Variants in SYNJ2BP observed in about 807,000 individuals in gnomAD.
The protein encoded by SYNJ2BP is synaptojanin 2 binding protein, also known as synaptojanin-2-binding protein.
In SYNJ2BP, 10 loss-of-function variants were observed where a neutral mutation model predicts 16.9. The ratio of observed to expected loss-of-function variants is 0.59; its 90% CI spans 0.36 to 1.00. The LOEUF (loss-of-function observed/expected upper bound fraction) is 1.00. Among genes scored for constraint, SYNJ2BP ranks in the 50% least tolerant of loss-of-function variants. SYNJ2BP has a pLI of 0.01. For synonymous variants in SYNJ2BP, 54 were observed against 68.4 expected, an observed-to-expected ratio of 0.79 and a Z score of 1.04; for missense variants, 162 against 186.7, an observed-to-expected ratio of 0.87 and a Z score of 0.77.
At chr14:70,394,090 T>C (rs1888038881) in intron 1 of SYNJ2BP, among the ~76,000 whole-genome samples, 1 of 151,856 alleles carries the variant, frequency 6.6e-6, no homozygotes, top group South Asian at 2.1e-4. Flanking sequence ...ATTACAGCTA[T>C]TTACAAGGTA....
intron 3 of SYNJ2BP, among the ~76,000 whole-genome samples, chr14:70,373,691 C>A (rs979818567): frequency 2.0e-5 from 3 of 152,146 alleles, no homozygotes; most frequent in African/African-American, 4.8e-5. Flanking sequence ...TTCATCTGCT[C>A]ATTTCTAATA....
intron 3 of SYNJ2BP, 60 bp downstream of exon 3, chr14:70,375,616 T>A: frequency 6.4e-7 from 1 of 1,570,636 alleles, no homozygotes; most frequent in East Asian, 2.3e-5. Context: ...CACATTGGGC[T>A]TATTCAGAAG....
intron 3 of SYNJ2BP, among the ~76,000 whole-genome samples, chr14:70,373,431 G>T (rs933957671): frequency 6.6e-6 from 1 of 152,140 alleles, no homozygotes; most frequent in Non-Finnish European, 1.5e-5. Flanking sequence ...TTTGTGTATC[G>T]TATCAGGAAA....
At chr14:70,395,355 A>T (rs1418306502) in intron 1 of SYNJ2BP, among the ~76,000 whole-genome samples, 1 of 152,232 alleles carries the variant, frequency 6.6e-6, no homozygotes, top group Non-Finnish European at 1.5e-5. Context: ...AACACCAAGG[A>T]TTATAGCCAC....
intron 2 of SYNJ2BP, 91 bp downstream of exon 2, chr14:70,388,379 C>A (rs1199010234): frequency 7.2e-7 from 1 of 1,390,310 alleles, no homozygotes; most frequent in Non-Finnish European, 9.4e-7. Context: ...ATTTCCAGAT[C>A]CAAATCTTTT....
chr14:70,409,824 C>G (rs907149920), intron 1 of SYNJ2BP, among the ~76,000 whole-genome samples: 2 of 152,130 alleles, frequency 1.3e-5, no homozygotes, highest in Non-Finnish European at 2.9e-5. Context: ...TAAAACATCC[C>G]ATTATGGCAG....
intron 1 of SYNJ2BP, among the ~76,000 whole-genome samples, chr14:70,398,653 G>A (rs1263625228): frequency 6.6e-6 from 1 of 152,154 alleles, no homozygotes; most frequent in Non-Finnish European, 1.5e-5. Flanking sequence ...GTGGGTGCAG[G>A]GGGAACCTTC....
chr14:70,397,401 A>C (rs796559681), intron 1 of SYNJ2BP, among the ~76,000 whole-genome samples: 19 of 152,352 alleles, frequency 1.2e-4, no homozygotes, highest in African/African-American at 4.3e-4. Context: ...TTATTATAAA[A>C]TGGTCTACTT....
chr14:70,409,745 A>G (rs1444160307), intron 1 of SYNJ2BP, among the ~76,000 whole-genome samples: 1 of 152,134 alleles, frequency 6.6e-6, no homozygotes, highest in Non-Finnish European at 1.5e-5. Flanking sequence ...CTCAAATTGT[A>G]TTTAGTGAAG....
intron 1 of SYNJ2BP, among the ~76,000 whole-genome samples, chr14:70,405,790 A>G (rs986683224): frequency 1.3e-5 from 2 of 152,194 alleles, no homozygotes; most frequent in African/African-American, 4.8e-5. Flanking sequence ...AAGAGATAAT[A>G]AAAGACTTGT....
chr14:70,382,921 A>C (rs1272703392), intron 2 of SYNJ2BP, among the ~76,000 whole-genome samples: 2 of 152,106 alleles, frequency 1.3e-5, no homozygotes, highest in Non-Finnish European at 2.9e-5. Flanking sequence ...ATTCTAAAAC[A>C]AGATCTCTGA....
intron 1 of SYNJ2BP, among the ~76,000 whole-genome samples, chr14:70,392,326 A>C (rs556157934): frequency 5.1e-4 from 77 of 152,348 alleles, no homozygotes; most frequent in African/African-American, 1.8e-3. Flanking sequence ...TGTAGAAGCA[A>C]ATCAAAGTCA....
In SYNJ2BP at chr14:70,373,784, A is replaced by G. The variant is rs138380691; in HGVS notation, c.298-653T>C. ...TATATCCTAGTGCTTATAATTTTCTATTGGCTAAGTGTTTCCTTTTGAGGC... is the reference window on the plus strand; with the variant it reads ...TATATCCTAGTGCTTATAATTTTCTGTTGGCTAAGTGTTTCCTTTTGAGGC... On this transcript the variant is annotated intron_variant, in intron 3 of 3. Transcript: ENST00000256366. Among the ~76,000 whole-genome samples, 353 of 152,332 alleles carry G rather than the reference A, an allele frequency of 2.3e-3. 1 individual carries two copies. The highest frequency in any genetic ancestry group is 4.3e-3 in the Non-Finnish European group (294 of 68,020).
At chr14:70,408,431 G>T (rs1248131230) in intron 1 of SYNJ2BP, among the ~76,000 whole-genome samples, 2 of 152,142 alleles carry the variant, frequency 1.3e-5, no homozygotes, top group African/African-American at 2.4e-5. Flanking sequence ...AACACTTTGG[G>T]AGGCCGAGAT....
At chr14:70,374,948 T>TTTA (rs113034271) in intron 3 of SYNJ2BP, among the ~76,000 whole-genome samples, 131,434 of 151,016 alleles carry the variant, frequency 0.87, 57,268 homozygotes, top group East Asian at 0.93. Context: ...TTTATTTATT[T>TTTA]TTATTATTAT....
rs1887399546 is a variant in SYNJ2BP at position 70,366,903 on chromosome 14, G to A, written c.*6088C>T. 1 of 152,200 alleles carries A rather than the reference G, an allele frequency of 6.6e-6. No homozygotes were observed. The allele number at this position is 152,200 out of a possible 1,614,324, so 9.4% of individuals were successfully genotyped here. On this transcript the variant is annotated 3_prime_UTR_variant, in exon 4 of 4. Coordinates refer to ENST00000256366, the MANE Select transcript of SYNJ2BP (RefSeq NM_018373.3). ...GTAATAAGAAGCCCAGATTACTGCA[G>A]ATAAAAGATTAAAATAGGATTCAAT... is the stretch of plus-strand genomic sequence containing the variant.
chr14:70,402,719 A>G (rs1028499638), intron 1 of SYNJ2BP, among the ~76,000 whole-genome samples: 2 of 152,104 alleles, frequency 1.3e-5, no homozygotes, highest in African/African-American at 4.8e-5. Context: ...AGGCCCTGGA[A>G]ACTGCAAATA....
intron 2 of SYNJ2BP, among the ~76,000 whole-genome samples, chr14:70,385,735 T>C (rs1181947176): frequency 6.6e-6 from 1 of 152,152 alleles, no homozygotes; most frequent in Non-Finnish European, 1.5e-5. Flanking sequence ...ATTCACCATG[T>C]AACTTTGTCT....
At chr14:70,375,637 A>G in intron 3 of SYNJ2BP, 39 bp downstream of exon 3, 2 of 1,598,928 alleles carry the variant, frequency 1.3e-6, no homozygotes, top group Non-Finnish European at 1.7e-6. Flanking sequence ...TACAGTGCAA[A>G]AGCCTGGTGC....
Sources: gnomAD v4.1 joint callset for allele counts (sites outside exome capture counted in the v4.1 genomes callset) on GRCh38, gnomAD v4.1.1 for gene constraint, MANE v1.5 for transcripts, NCBI Gene and HGNC (gene_info 2026-07-23, HGNC 2026-07-21) for gene names.